Variants in RAB10 observed in about 807,000 individuals in gnomAD.
The protein encoded by RAB10 is RAB10, member RAS oncogene family, also known as ras-related protein Rab-10.
In RAB10, 5 loss-of-function variants were observed where a neutral mutation model predicts 25.7. That is an observed-to-expected ratio of 0.19 (90% CI 0.10 to 0.41). RAB10 has a LOEUF of 0.41. Ranked by LOEUF, RAB10 falls within the 10% of genes least tolerant of loss-of-function variation. The probability of loss-of-function intolerance (pLI) is 1.00; values close to 1 mark genes in which losing one functional copy is unlikely to be tolerated. For synonymous variants in RAB10, 89 were observed against 86.4 expected (o/e 1.03, Z -0.16); for missense variants, 103 against 245.8 (o/e 0.42, Z 3.89).
chr2:26,079,354 CTA>C (rs1324298778), intron 1 of RAB10, among the ~76,000 whole-genome samples: 7 of 149,346 alleles, frequency 4.7e-5, no homozygotes, highest in African/African-American at 9.9e-5. Flanking sequence ...CACACACACA[CTA>C]TATACACATA....
At chr2:26,126,708 T>A (rs1440105940) in intron 3 of RAB10, among the ~76,000 whole-genome samples, 1 of 152,210 alleles carries the variant, frequency 6.6e-6, no homozygotes, top group Admixed American at 6.5e-5. Flanking sequence ...TTTAACTGAT[T>A]TTTCTGCATG....
At chr2:26,128,943 G>GT (rs1667957367) in intron 5 of RAB10, among the ~76,000 whole-genome samples, 1 of 152,162 alleles carries the variant, frequency 6.6e-6, no homozygotes, top group Admixed American at 6.5e-5. Context: ...TGTTCAATCT[G>GT]TTGAAATTTT....
intron 3 of RAB10, among the ~76,000 whole-genome samples, chr2:26,118,216 C>T (rs574269989): frequency 1.3e-5 from 2 of 152,280 alleles, no homozygotes; most frequent in South Asian, 2.1e-4. Context: ...CATGGTCCGT[C>T]GTCCTCAGCC....
intron 1 of RAB10, among the ~76,000 whole-genome samples, chr2:26,053,805 T>G (rs1216524473): frequency 1.3e-5 from 2 of 152,088 alleles, no homozygotes; most frequent in Non-Finnish European, 1.5e-5. Context: ...CTGCAACTTC[T>G]GCCTTCCGGG....
chr2:26,044,943 T>C (rs1014034465), intron 1 of RAB10, among the ~76,000 whole-genome samples: 3 of 152,132 alleles, frequency 2.0e-5, no homozygotes, highest in Non-Finnish European at 4.4e-5. Flanking sequence ...GTGATAGTTT[T>C]CCTGCTCATC....
Position 26,136,718 on chromosome 2 carries a change from G to A in RAB10, c.*1697G>A, listed in dbSNP as rs895178278. 2 of 152,570 alleles carry A rather than the reference G, an allele frequency of 1.3e-5. No individual in the cohort carries two copies. The highest frequency in any genetic ancestry group is 4.8e-5 in the African/African-American group (2 of 41,442). The allele number at this position is 152,570 out of a possible 1,614,324, so 9.5% of individuals were successfully genotyped here. ...TCTGTGTCGTGAATAGCATTTTAAT[G>A]ACCTCTTGGCTCACATAAGCAAACA... On this transcript the variant is annotated 3_prime_UTR_variant, in exon 6 of 6. Transcript: ENST00000264710.
At chr2:26,090,925 C>T (rs539851332) in intron 1 of RAB10, among the ~76,000 whole-genome samples, 121 of 111,732 alleles carry the variant, frequency 1.1e-3, no homozygotes, top group Non-Finnish European at 1.7e-3. Flanking sequence ...AAGAGCGAGA[C>T]CCTGTCTCCC....
intron 5 of RAB10, among the ~76,000 whole-genome samples, chr2:26,132,201 A>G (rs550623743): frequency 6.6e-6 from 1 of 152,238 alleles, no homozygotes; most frequent in South Asian, 2.1e-4. Context: ...CTAACAGGTT[A>G]AAAAATGTAG....
At chr2:26,061,495 C>A (rs1014316804) in intron 1 of RAB10, among the ~76,000 whole-genome samples, 28 of 152,010 alleles carry the variant, frequency 1.8e-4, no homozygotes, top group African/African-American at 6.8e-4. Flanking sequence ...CCACCACAGC[C>A]GTGTTGGCTG....
chr2:26,126,680 A>G (rs944233138), intron 3 of RAB10, among the ~76,000 whole-genome samples: 15 of 152,198 alleles, frequency 9.9e-5, no homozygotes, highest in African/African-American at 3.6e-4. Flanking sequence ...TGGGATCTTA[A>G]GGGGACAACC....
At chr2:26,070,403 T>A (rs1666599748) in intron 1 of RAB10, among the ~76,000 whole-genome samples, 1 of 152,240 alleles carries the variant, frequency 6.6e-6, no homozygotes, top group African/African-American at 2.4e-5. Flanking sequence ...ATTTTCACAG[T>A]CACTTAAAGT....
At chr2:26,106,613 C>T (rs763181178) in intron 2 of RAB10, among the ~76,000 whole-genome samples, 16 of 152,304 alleles carry the variant, frequency 1.1e-4, no homozygotes, top group Non-Finnish European at 1.9e-4. Flanking sequence ...TGGCCGGGCA[C>T]GGTGGCTCAC....
In RAB10 at chr2:26,068,124, A is replaced by T. The variant is rs116962933; in HGVS notation, c.128-30538A>T. ...CATTTATACTGCTACATGAGATATGATTAGAAGTTAGGTAGAAGAACATCA... is the reference window on the plus strand; with the variant it reads ...CATTTATACTGCTACATGAGATATGTTTAGAAGTTAGGTAGAAGAACATCA... On this transcript the variant is annotated intron_variant, in intron 1 of 5. Coordinates refer to ENST00000264710, the MANE Select transcript of RAB10 (RefSeq NM_016131.5). 2.0e-5 allele frequency among the ~76,000 whole-genome samples: 3 copies of T among 152,306 alleles called. No homozygotes were observed. In the East Asian group the frequency reaches 5.8e-4, roughly 29 times the overall value.
At chr2:26,110,492 T>C (rs1667549290) in intron 3 of RAB10, among the ~76,000 whole-genome samples, 1 of 152,164 alleles carries the variant, frequency 6.6e-6, no homozygotes. Context: ...AAGCTACCAG[T>C]GATTTTACAA....
Position 26,111,105 on chromosome 2 carries a change from A to T in RAB10, c.327+1199A>T, listed in dbSNP as rs1435751053. 2.0e-5 allele frequency among the ~76,000 whole-genome samples: 3 copies of T among 152,104 alleles called. No homozygotes were observed. In the East Asian group the frequency reaches 5.8e-4, roughly 29 times the overall value. On this transcript the variant is annotated intron_variant, in intron 3 of 5. Coordinates refer to ENST00000264710, the MANE Select transcript of RAB10 (RefSeq NM_016131.5). ...TGTTAAGAGTTGTTTTTCATGCCTT[A>T]TTGCTACCTTCTAGGCTTTGAGTTT...
intron 2 of RAB10, among the ~76,000 whole-genome samples, chr2:26,103,765 A>G (rs546819023): frequency 2.2e-3 from 341 of 152,306 alleles, no homozygotes; most frequent in African/African-American, 7.8e-3. Flanking sequence ...TGGCCAGGGA[A>G]ACCACTGATC....
intron 2 of RAB10, among the ~76,000 whole-genome samples, chr2:26,104,980 AC>A (rs1381967870): frequency 1.5e-4 from 22 of 151,652 alleles, no homozygotes; most frequent in Admixed American, 1.3e-4. Flanking sequence ...CTCGTGATCC[AC>A]CCGCCTCGGC....
intron 3 of RAB10, among the ~76,000 whole-genome samples, chr2:26,122,499 G>A (rs1278940867): frequency 3.9e-5 from 6 of 152,002 alleles, no homozygotes; most frequent in African/African-American, 1.5e-4. Context: ...GTGGTGGCGG[G>A]CGCCTGTAGT....
chr2:26,079,731 T>C (rs549023703), intron 1 of RAB10, among the ~76,000 whole-genome samples: 3 of 151,180 alleles, frequency 2.0e-5, no homozygotes, highest in South Asian at 4.2e-4. Context: ...AGTGGTGGGA[T>C]CACAACTCAC....
Sources: gnomAD v4.1 joint callset for allele counts (sites outside exome capture counted in the v4.1 genomes callset) on GRCh38, gnomAD v4.1.1 for gene constraint, MANE v1.5 for transcripts, NCBI Gene and HGNC (gene_info 2026-07-23, HGNC 2026-07-21) for gene names.